CELF4: variants seen among roughly 807,000 people sequenced by gnomAD.
The protein encoded by CELF4 is CUG-BP- and ETR-3-like factor 4.
A neutral mutation model predicts 59.9 loss-of-function variants in CELF4; 18 were observed. The ratio of observed to expected loss-of-function variants is 0.30; its 90% confidence interval spans 0.21 to 0.45. The LOEUF (loss-of-function observed/expected upper bound fraction) is 0.45. Ranked by LOEUF, CELF4 falls within the 20% of genes least tolerant of loss-of-function variation. The pLI, the probability that CELF4 is intolerant of heterozygous loss-of-function variation, is 1.00. For synonymous variants in CELF4, 261 were observed against 267.1 expected (o/e 0.98, Z 0.22); for missense variants, 456 against 689.0 (o/e 0.66, Z 3.79).
chr18:37,351,358 A>G (rs2098437322), intron 2 of CELF4, among the ~76,000 whole-genome samples: 1 of 152,138 alleles, frequency 6.6e-6, no homozygotes, highest in Non-Finnish European at 1.5e-5. Flanking sequence ...CCTCCTCTCC[A>G]AGAAACGATG....
chr18:37,273,387 T>C (rs1479815311), intron 6 of CELF4: 1 of 1,289,474 alleles, frequency 7.8e-7, no homozygotes, highest in South Asian at 2.4e-5. Context: ...AATGCTAGGG[T>C]CTTTGGAACT....
chr18:37,292,150 T>G (rs1048560182), intron 3 of CELF4, among the ~76,000 whole-genome samples: 3 of 146,546 alleles, frequency 2.0e-5, no homozygotes, highest in Non-Finnish European at 3.0e-5. Flanking sequence ...TTGGACATTC[T>G]GGCCTCCAGA....
intron 2 of CELF4, among the ~76,000 whole-genome samples, chr18:37,336,741 G>A (rs2097782718): frequency 6.6e-6 from 1 of 152,228 alleles, no homozygotes; most frequent in Non-Finnish European, 1.5e-5. Flanking sequence ...AGAACCTGAA[G>A]CTGGCCAGCG....
intron 1 of CELF4, among the ~76,000 whole-genome samples, chr18:37,535,597 G>A (rs947932941): frequency 1.3e-5 from 2 of 152,130 alleles, no homozygotes; most frequent in African/African-American, 4.8e-5. Context: ...TGCACATGTG[G>A]GCCGTTAGGT....
chr18:37,451,507 GTGCACGCATGTGTGCACA>G (rs1226263457), intron 2 of CELF4, among the ~76,000 whole-genome samples: 9 of 152,164 alleles, frequency 5.9e-5, no homozygotes, highest in Non-Finnish European at 1.3e-4. Context: ...CTGCATGTTT[GTGCACGCATGTGTGCACA>G]TGCACATGTG....
chr18:37,259,443 G>A (rs1165518623), intron 10 of CELF4, among the ~76,000 whole-genome samples, 179 bp from the exon 11 acceptor site: 2 of 152,158 alleles, frequency 1.3e-5, no homozygotes, highest in African/African-American at 4.8e-5. Context: ...GCTGAGCCCC[G>A]GGTCTGAGCT....
chr18:37,527,248 T>C (rs1247350377), intron 1 of CELF4, among the ~76,000 whole-genome samples: 3 of 151,630 alleles, frequency 2.0e-5, no homozygotes, highest in Non-Finnish European at 2.9e-5. Flanking sequence ...TTAGCCACCA[T>C]AGAACTGACC....
intron 1 of CELF4, among the ~76,000 whole-genome samples, chr18:37,514,052 G>A (rs2099947784): frequency 6.6e-6 from 1 of 151,916 alleles, no homozygotes; most frequent in Non-Finnish European, 1.5e-5. Flanking sequence ...AGCAAACGCA[G>A]ATGCTCAGGG....
chr18:37,450,370 G>A (rs1308198376), intron 2 of CELF4, among the ~76,000 whole-genome samples: 1 of 151,426 alleles, frequency 6.6e-6, no homozygotes, highest in African/African-American at 2.4e-5. Flanking sequence ...CTGTGTCTCT[G>A]TCTCCCTGTC....
chr18:37,315,632 C>T (rs1376327301), intron 3 of CELF4, among the ~76,000 whole-genome samples: 1 of 152,254 alleles, frequency 6.6e-6, no homozygotes, highest in Non-Finnish European at 1.5e-5. Context: ...GGAGCACCCC[C>T]CAGTGTGCCA....
At chr18:37,360,442 G>T (rs1055513756) in intron 2 of CELF4, among the ~76,000 whole-genome samples, 25 of 152,186 alleles carry the variant, frequency 1.6e-4, no homozygotes, top group African/African-American at 5.1e-4. Flanking sequence ...ACCCCTGAGT[G>T]GGGGGATCCC....
chr18:37,250,367 T>C (rs189186387), intron 12 of CELF4, among the ~76,000 whole-genome samples: 27 of 152,084 alleles, frequency 1.8e-4, no homozygotes, highest in African/African-American at 5.8e-4. Context: ...CCTTGCTTCA[T>C]GGAACCAAAG....
At chr18:37,322,956 T>C (rs1603468449) in intron 2 of CELF4, among the ~76,000 whole-genome samples, 1 of 151,966 alleles carries the variant, frequency 6.6e-6, no homozygotes, top group East Asian at 1.9e-4. Context: ...GGCTGGGAAG[T>C]GGGGCCTGTG....
At chr18:37,341,035 G>T (rs917272790) in intron 2 of CELF4, among the ~76,000 whole-genome samples, 23 of 152,216 alleles carry the variant, frequency 1.5e-4, no homozygotes, top group Admixed American at 1.5e-3. Flanking sequence ...TAGGGATGGT[G>T]AAAAGAACCA....
chr18:37,320,831 C>T (rs1337839950), intron 3 of CELF4, among the ~76,000 whole-genome samples: 1 of 152,126 alleles, frequency 6.6e-6, no homozygotes, highest in Non-Finnish European at 1.5e-5. Context: ...CATTCTTCTA[C>T]CCTATGGGGC....
chr18:37,292,177 T>TA (rs2095379150), intron 3 of CELF4, among the ~76,000 whole-genome samples: 2 of 151,818 alleles, frequency 1.3e-5, no homozygotes, highest in African/African-American at 4.8e-5. Flanking sequence ...AGAAATCGAT[T>TA]TATTGTTGAT....
chr18:37,299,858 C>A (rs891314513), intron 3 of CELF4, among the ~76,000 whole-genome samples: 1 of 152,072 alleles, frequency 6.6e-6, no homozygotes, highest in East Asian at 1.9e-4. Flanking sequence ...ATGGTCCCCA[C>A]CCCCATCTCT....
At chr18:37,318,137 C>T (rs375006914) in intron 3 of CELF4, among the ~76,000 whole-genome samples, 45 of 152,258 alleles carry the variant, frequency 3.0e-4, no homozygotes, top group African/African-American at 1.0e-3. Flanking sequence ...CTCTGGGTTT[C>T]GGGGACTCGT....
chr18:37,375,236 C>G (rs2098954240), intron 2 of CELF4, among the ~76,000 whole-genome samples: 1 of 152,164 alleles, frequency 6.6e-6, no homozygotes, highest in Admixed American at 6.5e-5. Flanking sequence ...GCCTGCCTGG[C>G]AAACAAATGA....
Sources: gnomAD v4.1 joint callset for allele counts (sites outside exome capture counted in the v4.1 genomes callset) on GRCh38, gnomAD v4.1.1 for gene constraint, MANE v1.5 for transcripts, NCBI Gene and HGNC (gene_info 2026-07-23, HGNC 2026-07-21) for gene names.